CD38: variants seen among roughly 807,000 people sequenced by gnomAD.
CD38 encodes the protein CD38 molecule.
Under a neutral mutation model 36.3 loss-of-function variants are expected in CD38, and 31 were observed. The ratio of observed to expected loss-of-function variants is 0.85; its 90% CI spans 0.64 to 1.15. The LOEUF (loss-of-function observed/expected upper bound fraction) is 1.15, where lower values mean the gene tolerates loss of function less well. Ranked by LOEUF, CD38 falls within the 50% of genes most tolerant of loss-of-function variation. The probability of loss-of-function intolerance (pLI) is 0.00; values close to 1 mark genes in which losing one functional copy is unlikely to be tolerated. For missense variants in CD38, 380 were observed against 371.9 expected (o/e 1.02, Z -0.18); for synonymous variants, 131 against 135.2 (o/e 0.97, Z 0.22).
At chr4:15,835,364 T>C (rs921626896) in intron 4 of CD38, among the ~76,000 whole-genome samples, 1 of 6,620 alleles carries the variant, frequency 1.5e-4, no homozygotes, top group Non-Finnish European at 2.5e-4. Flanking sequence ...ACAGGAATAC[T>C]TTTTTTTTTT....
At chr4:15,809,750 T>C (rs3775952) in intron 1 of CD38, among the ~76,000 whole-genome samples, 66,945 of 152,040 alleles carry the variant, frequency 0.44, 17,123 homozygotes, top group African/African-American at 0.72. Flanking sequence ...CGTCTCCTGA[T>C]GAAGACTTCC....
At chr4:15,831,471 A>T (rs1027110243) in intron 3 of CD38, among the ~76,000 whole-genome samples, 3 of 152,134 alleles carry the variant, frequency 2.0e-5, no homozygotes, top group Non-Finnish European at 4.4e-5. Flanking sequence ...GTCTCGTGTT[A>T]ATTAAATCCC....
chr4:15,833,770 A>G (rs1325590534), intron 3 of CD38, among the ~76,000 whole-genome samples: 1 of 152,258 alleles, frequency 6.6e-6, no homozygotes, highest in African/African-American at 2.4e-5. Context: ...GGGCAAGTGT[A>G]GGAAGACTCT....
At chr4:15,837,604 A>T (rs755969560) in intron 4 of CD38, among the ~76,000 whole-genome samples, 15 of 152,172 alleles carry the variant, frequency 9.9e-5, no homozygotes, top group Non-Finnish European at 2.1e-4. Context: ...ATATTTATTC[A>T]TTCACTTATT....
chr4:15,821,690 C>A (rs1577652315), intron 2 of CD38, among the ~76,000 whole-genome samples: 10 of 115,086 alleles, frequency 8.7e-5, no homozygotes, highest in East Asian at 7.1e-4. Context: ...TAATAAATAC[C>A]AACCAAAAAA....
intron 2 of CD38, among the ~76,000 whole-genome samples, chr4:15,817,299 G>A (rs1475539275): frequency 1.3e-5 from 2 of 152,208 alleles, no homozygotes; most frequent in African/African-American, 2.4e-5. Flanking sequence ...CTCTATCAGA[G>A]TGCACCTTTT....
At chr4:15,809,328 T>G (rs1723414228) in intron 1 of CD38, among the ~76,000 whole-genome samples, 1 of 152,212 alleles carries the variant, frequency 6.6e-6, no homozygotes, top group Non-Finnish European at 1.5e-5. Flanking sequence ...GAAAACTAGT[T>G]GAATAACTGC....
intron 2 of CD38, among the ~76,000 whole-genome samples, chr4:15,820,801 A>T (rs1250288097): frequency 6.6e-6 from 1 of 152,208 alleles, no homozygotes; most frequent in Non-Finnish European, 1.5e-5. Flanking sequence ...ATTAGCAAAG[A>T]TATTCACGAC....
chr4:15,804,722 T>C (rs958267948), intron 1 of CD38, among the ~76,000 whole-genome samples: 5 of 152,038 alleles, frequency 3.3e-5, no homozygotes, highest in African/African-American at 1.2e-4. Context: ...AAAAAGTTGA[T>C]CTCAGAGAAG....
At chr4:15,822,150 C>T (rs1004598921) in intron 2 of CD38, among the ~76,000 whole-genome samples, 4 of 152,016 alleles carry the variant, frequency 2.6e-5, no homozygotes, top group South Asian at 2.1e-4. Flanking sequence ...CATCCCTTCA[C>T]GTTAAAAACT....
chr4:15,783,406 C>T (rs543552983), intron 1 of CD38, among the ~76,000 whole-genome samples: 1 of 152,328 alleles, frequency 6.6e-6, no homozygotes, highest in South Asian at 2.1e-4. Flanking sequence ...ATTGCAGGTA[C>T]TGACGATAGC....
intron 2 of CD38, among the ~76,000 whole-genome samples, chr4:15,820,857 A>G (rs896168043): frequency 6.6e-6 from 1 of 152,240 alleles, no homozygotes; most frequent in Non-Finnish European, 1.5e-5. Flanking sequence ...TATCTACTGA[A>G]GTCTCCATGC....
Position 15,840,083 on chromosome 4 carries a change from G to A in CD38, c.717G>A (p.Glu239=). The change falls in exon 6 of 8, where the codon GAG becomes GAA. Residue 239 remains glutamate (E), a synonymous_variant. Coordinates refer to ENST00000226279, the MANE Select transcript of CD38 (RefSeq NM_001775.4). ...NLQPEKVQTL[E]AWVIHGGRED... is the part of the protein sequence containing the mutation. ...AACCAGAGAAGGTTCAGACACTAGA[G>A]GCCTGGGTGATACATGGTGGAAGAG... 1.2e-6 allele frequency: 2 copies of A among 1,613,026 alleles called. No individual in the cohort carries two copies.
At chr4:15,800,056 C>T (rs2148918249) in intron 1 of CD38, among the ~76,000 whole-genome samples, 1 of 152,182 alleles carries the variant, frequency 6.6e-6, no homozygotes, top group Middle Eastern at 3.4e-3. Flanking sequence ...TGTATAAAAA[C>T]AGACACACAA....
chr4:15,790,466 G>A (rs562223756), intron 1 of CD38, among the ~76,000 whole-genome samples: 6 of 151,994 alleles, frequency 3.9e-5, no homozygotes, highest in African/African-American at 1.4e-4. Flanking sequence ...ACGGAGTCTC[G>A]TTCACTCGGT....
At chr4:15,824,038 A>T (rs1723795025) in intron 2 of CD38, among the ~76,000 whole-genome samples, 1 of 152,176 alleles carries the variant, frequency 6.6e-6, no homozygotes, top group Non-Finnish European at 1.5e-5. Flanking sequence ...ATCTTCAGCA[A>T]ACTAACACAG....
At chr4:15,823,845 G>T (rs1392558818) in intron 2 of CD38, among the ~76,000 whole-genome samples, 1 of 152,078 alleles carries the variant, frequency 6.6e-6, no homozygotes, top group Non-Finnish European at 1.5e-5. Context: ...ATAAAGATAT[G>T]TGCATGCATA....
At chr4:15,787,292 A>C (rs1001755973) in intron 1 of CD38, among the ~76,000 whole-genome samples, 53 of 152,354 alleles carry the variant, frequency 3.5e-4, no homozygotes, top group Non-Finnish European at 7.3e-4. Context: ...CCTGAGAGAG[A>C]TTAAGTAATT....
intron 2 of CD38, among the ~76,000 whole-genome samples, chr4:15,818,707 G>C (rs1173347264): frequency 6.6e-6 from 1 of 152,122 alleles, no homozygotes; most frequent in Non-Finnish European, 1.5e-5. Flanking sequence ...ATACCTTCAG[G>C]TGCGGGAGGA....
Sources: gnomAD v4.1 joint callset for allele counts (sites outside exome capture counted in the v4.1 genomes callset) on GRCh38, gnomAD v4.1.1 for gene constraint, MANE v1.5 for transcripts, NCBI Gene and HGNC (gene_info 2026-07-23, HGNC 2026-07-21) for gene names.